HEPH: variants seen among roughly 807,000 people sequenced by gnomAD.
The protein encoded by HEPH is hephaestin.
HEPH carries 69 observed loss-of-function variants against 80.8 expected under a neutral mutation model. The ratio of observed to expected loss-of-function variants is 0.85; its 90% CI spans 0.70 to 1.04. HEPH has a LOEUF of 1.04. HEPH is among the 50% of genes least tolerant of loss of function. The pLI, the probability that HEPH is intolerant of heterozygous loss-of-function variation, is 0.00. For missense variants in HEPH, 1,115 were observed against 891.3 expected, an observed-to-expected ratio of 1.25 and a Z score of -3.20; for synonymous variants, 431 against 322.8, an observed-to-expected ratio of 1.34 and a Z score of -3.60.
chrX:66,163,366 GT>G (rs1055961507), upstream of HEPH, among the ~76,000 whole-genome samples: 4 of 105,205 alleles, frequency 3.8e-5, no homozygotes, highest in Admixed American at 2.0e-4. Flanking sequence ...GGAACATTTT[GT>G]TTTTTTTTTC....
At chrX:66,256,385 G>C (rs146682952) in intron 17 of HEPH, 55 bp downstream of exon 17, 2 of 904,067 alleles carry the variant, frequency 2.2e-6, no homozygotes, top group South Asian at 2.3e-5. Flanking sequence ...GGTTACATGG[G>C]GATATTTAAT....
rs1156588740 is a variant in HEPH, at chrX:66,266,439, G to A, written c.3245-1G>A. The A allele has an allele frequency of 2.5e-6, 3 of 1,200,560 alleles. No homozygotes were observed. The highest frequency in any genetic ancestry group is 2.2e-5 in the Admixed American group (1 of 45,385). On this transcript the variant is annotated splice_acceptor_variant, in intron 20 of 20. Coordinates refer to ENST00000343002, the MANE Select transcript of HEPH (RefSeq NM_001367233.3). LOFTEE classifies it high-confidence loss of function. ...GCCCATTTTTTTTTTCTCCATTTCA[G>A]CAGTGCCCCCCAGAGACATTGAAGA... is the stretch of plus-strand genomic sequence containing the variant.
chrX:66,186,371 A>T (rs1053519554), intron 4 of HEPH, among the ~76,000 whole-genome samples: 1 of 109,140 alleles, frequency 9.2e-6, no homozygotes, highest in Non-Finnish European at 1.9e-5. Flanking sequence ...TGGGCGTAGG[A>T]CCCTCTGAGC....
At chrX:66,210,949 C>A (rs2089080079) in intron 15 of HEPH, among the ~76,000 whole-genome samples, 1 of 110,901 alleles carries the variant, frequency 9.0e-6, no homozygotes, top group African/African-American at 3.3e-5. Context: ...TTTTGAAAAT[C>A]TTAATATGAG....
At chrX:66,231,062 G>C (rs1414332012) in intron 15 of HEPH, among the ~76,000 whole-genome samples, 1 of 108,751 alleles carries the variant, frequency 9.2e-6, no homozygotes, top group African/African-American at 3.3e-5. Context: ...GTTTTTCTCA[G>C]GTTTGTCAAA....
chrX:66,192,896 A>G (rs151205710), intron 7 of HEPH, among the ~76,000 whole-genome samples: 1,261 of 111,159 alleles, frequency 0.011, 13 homozygotes, highest in African/African-American at 0.039. Context: ...CATACCACTC[A>G]CTGGGAAATC....
intron 15 of HEPH, among the ~76,000 whole-genome samples, chrX:66,248,748 G>A (rs1047570143): frequency 8.0e-5 from 9 of 111,845 alleles, no homozygotes; most frequent in African/African-American, 2.9e-4. Context: ...AGATGAAAAA[G>A]GCATTACATT....
At chrX:66,236,033 T>C (rs1044649946) in intron 15 of HEPH, among the ~76,000 whole-genome samples, 2 of 112,034 alleles carry the variant, frequency 1.8e-5, no homozygotes, top group East Asian at 5.6e-4. Context: ...TTTCTAGATA[T>C]AGGATCATGT....
chrX:66,232,209 T>C (rs2090177322), intron 15 of HEPH, among the ~76,000 whole-genome samples: 1 of 111,451 alleles, frequency 9.0e-6, no homozygotes. Flanking sequence ...TTTGCATCAA[T>C]GTTCATCAAG....
intron 15 of HEPH, among the ~76,000 whole-genome samples, chrX:66,244,019 G>C (rs1485243208): frequency 8.9e-6 from 1 of 111,976 alleles, no homozygotes; most frequent in Non-Finnish European, 1.9e-5. Flanking sequence ...CTTCTGCCTT[G>C]TAGAGTTTCT....
chrX:66,190,772 G>A (rs2087745728), intron 6 of HEPH, among the ~76,000 whole-genome samples: 1 of 111,536 alleles, frequency 9.0e-6, no homozygotes, highest in Non-Finnish European at 1.9e-5. Flanking sequence ...AATAAATCTT[G>A]GGTGTTAGGT....
Position 66,197,900 on chromosome X carries a change from G to A in HEPH, c.1713+6G>A. ...TGGGTGCAGATGGCAAGCAGGTATT[G>A]TCAGGGTTATCTGGCTGGAAAGCCT... On this transcript the variant is annotated splice_donor_region_variant and intron_variant, in intron 10 of 20. Transcript: ENST00000343002. 8.4e-7 allele frequency: 1 copy of A among 1,185,022 alleles called. No individual in the cohort carries two copies. The highest frequency in any genetic ancestry group is 1.1e-6 in the Non-Finnish European group (1 of 880,699).
At chrX:66,258,746 A>G in intron 17 of HEPH, 94 bp from the exon 18 acceptor site, 1 of 685,957 alleles carries the variant, frequency 1.5e-6, no homozygotes, top group African/African-American at 2.2e-5. Flanking sequence ...TCGGTAAAAA[A>G]GATTAGGCCT....
At chrX:66,259,978 G>A in intron 18 of HEPH, 122 bp from the exon 19 acceptor site, 4 of 536,383 alleles carry the variant, frequency 7.5e-6, no homozygotes, top group Non-Finnish European at 1.3e-5. Flanking sequence ...CCACTCACTG[G>A]TCTAGGAACC....
intron 13 of HEPH, among the ~76,000 whole-genome samples, chrX:66,205,194 G>T (rs1479181023): frequency 1.8e-5 from 2 of 111,735 alleles, no homozygotes; most frequent in Non-Finnish European, 3.8e-5. Flanking sequence ...GTTATGTGAT[G>T]CTGAGGTTTG....
At chrX:66,176,663 C>T (rs2086816513) in intron 4 of HEPH, among the ~76,000 whole-genome samples, 1 of 110,828 alleles carries the variant, frequency 9.0e-6, no homozygotes, top group South Asian at 3.9e-4. Flanking sequence ...CCCCACCCCA[C>T]AACAGTCCCT....
At chrX:66,219,611 G>A (rs2089549981) in intron 15 of HEPH, among the ~76,000 whole-genome samples, 1 of 111,575 alleles carries the variant, frequency 9.0e-6, no homozygotes, top group African/African-American at 3.3e-5. Context: ...GAGCTGTCTT[G>A]TGCCAAAGTA....
chrX:66,197,912 T>A lies in HEPH; in HGVS notation c.1713+18T>A. On this transcript the variant is annotated intron_variant, in intron 10 of 20. Transcript: ENST00000343002. The stretch of plus-strand genomic sequence containing the variant: ...GCAAGCAGGTATTGTCAGGGTTATC[T>A]GGCTGGAAAGCCTGCTGGGAGAAGG... 8.6e-7 allele frequency: 1 copy of A among 1,166,361 alleles called. No individual in the cohort carries two copies. The highest frequency in any genetic ancestry group is 1.2e-6 in the Non-Finnish European group (1 of 867,029).
chrX:66,205,068 G>C (rs1016384842), intron 13 of HEPH, among the ~76,000 whole-genome samples: 1 of 111,382 alleles, frequency 9.0e-6, no homozygotes, highest in Non-Finnish European at 1.9e-5. Context: ...ACCGTTTTCC[G>C]CATCCCTCCT....
Sources: gnomAD v4.1 joint callset for allele counts (sites outside exome capture counted in the v4.1 genomes callset) on GRCh38, gnomAD v4.1.1 for gene constraint, MANE v1.5 for transcripts, NCBI Gene and HGNC (gene_info 2026-07-23, HGNC 2026-07-21) for gene names.